The following TRPC5 variants were observed in gnomAD, a reference collection of about 807,000 sequenced individuals.
TRPC5 encodes the protein transient receptor potential cation channel subfamily C member 5.
A neutral mutation model predicts 56.5 loss-of-function variants in TRPC5; 9 were observed. The ratio of observed to expected loss-of-function variants is 0.16; its 90% CI spans 0.10 to 0.28. The LOEUF (loss-of-function observed/expected upper bound fraction) is 0.28. Ranked by LOEUF, TRPC5 falls within the 10% of genes least tolerant of loss-of-function variation. TRPC5 has a pLI of 1.00. For missense variants in TRPC5, 469 were observed against 748.9 expected (o/e 0.63, Z 4.36); for synonymous variants, 282 against 278.5 (o/e 1.01, Z -0.13).
chrX:112,006,899 G>C (rs1282042265), intron 1 of TRPC5, among the ~76,000 whole-genome samples: 1 of 111,500 alleles, frequency 9.0e-6, no homozygotes, highest in African/African-American at 3.3e-5. Context: ...AGGGCTCCTT[G>C]TTAAAGAAAA....
chrX:111,965,249 A>G (rs1023304201), intron 1 of TRPC5, among the ~76,000 whole-genome samples: 119 of 111,970 alleles, frequency 1.1e-3, no homozygotes, highest in African/African-American at 3.3e-3. Flanking sequence ...AATGGTAAAG[A>G]GATCAATTCA....
At chrX:112,002,691 T>TCAAATTTTTCAA (rs1263078213) in intron 1 of TRPC5, among the ~76,000 whole-genome samples, 45 of 111,728 alleles carry the variant, frequency 4.0e-4, no homozygotes, top group Admixed American at 3.9e-3. Context: ...CTTGACAGGG[T>TCAAATTTTTCAA]ATTTTTCAAA....
At chrX:111,796,336 G>T (rs1921092305) in intron 7 of TRPC5, among the ~76,000 whole-genome samples, 1 of 111,368 alleles carries the variant, frequency 9.0e-6, no homozygotes, top group Non-Finnish European at 1.9e-5. Flanking sequence ...CAACTTCTTG[G>T]CTTCCTCAAG....
intron 3 of TRPC5, among the ~76,000 whole-genome samples, chrX:111,867,201 T>C (rs1684644874): frequency 8.9e-6 from 1 of 112,058 alleles, no homozygotes. Context: ...GGAGATTGTT[T>C]TGCCAAGTAA....
chrX:111,988,352 T>A (rs1928266602), intron 1 of TRPC5, among the ~76,000 whole-genome samples: 2 of 111,497 alleles, frequency 1.8e-5, no homozygotes, highest in Admixed American at 1.9e-4. Flanking sequence ...AACTGTCTTG[T>A]CCCTAGCTCT....
At chrX:112,008,505 C>T (rs1414388796) in intron 1 of TRPC5, among the ~76,000 whole-genome samples, 2 of 108,582 alleles carry the variant, frequency 1.8e-5, no homozygotes, top group African/African-American at 6.7e-5. Context: ...GAGGCTGAGG[C>T]AGGAGAATGG....
chrX:111,907,254 A>G (rs1925661058), intron 3 of TRPC5, among the ~76,000 whole-genome samples: 1 of 111,048 alleles, frequency 9.0e-6, no homozygotes, highest in African/African-American at 3.3e-5. Flanking sequence ...ATGAGTTAGC[A>G]CACATAAACT....
chrX:111,866,912 T>C (rs1351353782), intron 3 of TRPC5, among the ~76,000 whole-genome samples: 2 of 112,125 alleles, frequency 1.8e-5, no homozygotes, highest in Non-Finnish European at 3.8e-5. Context: ...GCAAGATTAA[T>C]GTGATTCAGT....
chrX:111,858,438 A>G (rs1350985339), intron 3 of TRPC5, among the ~76,000 whole-genome samples: 1 of 111,667 alleles, frequency 9.0e-6, no homozygotes, highest in Non-Finnish European at 1.9e-5. Context: ...GGTCGGCTCG[A>G]CAGTCAACAG....
At chrX:112,063,794 G>A (rs1323002909) in intron 1 of TRPC5, among the ~76,000 whole-genome samples, 3 of 112,053 alleles carry the variant, frequency 2.7e-5, no homozygotes, top group Admixed American at 9.4e-5. Context: ...TTGTTTGTTT[G>A]TTTTTGGTTT....
chrX:111,990,942 A>G (rs1437031724), intron 1 of TRPC5, among the ~76,000 whole-genome samples: 3 of 112,546 alleles, frequency 2.7e-5, no homozygotes, highest in Non-Finnish European at 3.7e-5. Context: ...CTCTAAGCAG[A>G]ACTGCTTTAT....
intron 1 of TRPC5, among the ~76,000 whole-genome samples, chrX:111,957,648 T>C (rs1404889884): frequency 8.9e-6 from 1 of 111,819 alleles, no homozygotes; most frequent in Non-Finnish European, 1.9e-5. Flanking sequence ...GATTCTTTTG[T>C]ATGCTCCACA....
intron 1 of TRPC5, among the ~76,000 whole-genome samples, chrX:111,993,587 T>C (rs1303434894): frequency 8.9e-6 from 1 of 112,295 alleles, no homozygotes. Flanking sequence ...TTTTAATGAT[T>C]GCCATTCTAA....
rs1013094152 is a variant in TRPC5 at position 111,963,808 on chromosome X, C to T, written c.-21-11367G>A. ...CTAACAAACAGAAAGGACATCCACA[C>T]CAAAAACACATCTATACGTCAACAT... On this transcript the variant is annotated intron_variant, in intron 1 of 10. Coordinates refer to ENST00000262839, the MANE Select transcript of TRPC5 (RefSeq NM_012471.3). 1.8e-4 allele frequency among the ~76,000 whole-genome samples: 20 copies of T among 111,361 alleles called. 1 individual carries two copies. Among genetic ancestry groups the T allele is most frequent in the Middle Eastern group, 4.6e-3 (1 of 218 alleles).
intron 1 of TRPC5, among the ~76,000 whole-genome samples, chrX:112,017,217 G>A (rs2148664711): frequency 9.0e-6 from 1 of 110,823 alleles, no homozygotes; most frequent in South Asian, 3.9e-4. Context: ...ATTTCACCAT[G>A]TTGGCCAGGA....
chrX:111,988,789 T>C (rs1000423578), intron 1 of TRPC5, among the ~76,000 whole-genome samples: 1 of 111,393 alleles, frequency 9.0e-6, no homozygotes, highest in South Asian at 3.8e-4. Context: ...TGATTTTAAT[T>C]CCATGAAGAC....
chrX:112,060,137 T>C (rs762755269), intron 1 of TRPC5, among the ~76,000 whole-genome samples: 44 of 112,132 alleles, frequency 3.9e-4, no homozygotes, highest in Non-Finnish European at 4.5e-4. Flanking sequence ...AAGTTTTGAA[T>C]TTAAATTCTT....
At chrX:112,020,252 A>G (rs1477706289) in intron 1 of TRPC5, among the ~76,000 whole-genome samples, 2 of 111,938 alleles carry the variant, frequency 1.8e-5, no homozygotes, top group Non-Finnish European at 3.8e-5. Context: ...GTATATTTTT[A>G]TTTAAACCAA....
chrX:112,035,732 C>T (rs998977211), intron 1 of TRPC5, among the ~76,000 whole-genome samples: 15 of 109,280 alleles, frequency 1.4e-4, no homozygotes, highest in South Asian at 4.0e-4. Flanking sequence ...CCCAGGTTCA[C>T]GCCATTCTCC....
Sources: allele counts gnomAD v4.1 joint callset (sites outside exome capture counted in the v4.1 genomes callset), GRCh38; gene constraint gnomAD v4.1.1; transcripts MANE v1.5; gene names NCBI Gene and HGNC (gene_info 2026-07-23, HGNC 2026-07-21).